Variants in NETO1 observed in about 807,000 individuals in gnomAD.
NETO1 encodes the protein neuropilin and tolloid-like protein 1.
In NETO1, 26 loss-of-function variants were observed where a neutral mutation model predicts 61.3. The observed-to-expected ratio is 0.42, with a 90% CI of 0.31 to 0.59. The LOEUF (loss-of-function observed/expected upper bound fraction) is 0.59. NETO1 is among the 20% of genes least tolerant of loss of function. The probability of loss-of-function intolerance (pLI) is 0.12; values close to 1 mark genes in which losing one functional copy is unlikely to be tolerated. For synonymous variants in NETO1, 225 were observed against 225.8 expected, an observed-to-expected ratio of 1.00 and a Z score of 0.03; for missense variants, 531 against 662.8, an observed-to-expected ratio of 0.80 and a Z score of 2.18.
intron 4 of NETO1, among the ~76,000 whole-genome samples, chr18:72,856,743 C>T (rs1164433866): frequency 6.6e-6 from 1 of 152,110 alleles, no homozygotes; most frequent in Non-Finnish European, 1.5e-5. Context: ...AACTGGTAGG[C>T]GGAATTTCAT....
At position 72,769,745 on chromosome 18, in the gene NETO1, C is replaced by T. The variant is rs563038271; in HGVS notation, c.869-13598G>A. 1.8e-4 allele frequency among the ~76,000 whole-genome samples: 28 copies of T among 152,108 alleles called. No individual in the cohort carries two copies. In the East Asian group the frequency reaches 3.5e-3, roughly 19 times the overall value. ...TACAAGAGTATAAATGTAATGTACA[C>T]GTGTTCGCTACTTGCTTCTAACCTC... is the stretch of plus-strand genomic sequence containing the variant. On this transcript the variant is annotated intron_variant, in intron 7 of 10. Coordinates refer to ENST00000327305, the MANE Select transcript of NETO1 (RefSeq NM_138966.5).
intron 4 of NETO1, 108 bp downstream of exon 4, chr18:72,858,718 C>T: frequency 5.3e-6 from 6 of 1,125,928 alleles, no homozygotes; most frequent in Non-Finnish European, 2.5e-6. Context: ...TTAAATAGAA[C>T]TGGAACATTC....
At chr18:72,766,945 A>G (rs1002904723) in intron 7 of NETO1, among the ~76,000 whole-genome samples, 2 of 152,190 alleles carry the variant, frequency 1.3e-5, no homozygotes, top group African/African-American at 4.8e-5. Flanking sequence ...TAGACATTAC[A>G]ATTACAATAA....
intron 7 of NETO1, among the ~76,000 whole-genome samples, chr18:72,778,938 G>A (rs567214813): frequency 3.9e-5 from 6 of 152,206 alleles, no homozygotes; most frequent in Non-Finnish European, 5.9e-5. Flanking sequence ...GTCCACTTGG[G>A]CTGCTAGAAC....
chr18:72,851,642 G>T (rs1269235244), intron 4 of NETO1, among the ~76,000 whole-genome samples: 1 of 152,138 alleles, frequency 6.6e-6, no homozygotes, highest in Non-Finnish European at 1.5e-5. Context: ...TACAATTGAG[G>T]TAGAAGGAGA....
chr18:72,853,869 A>G (rs1306555852), intron 4 of NETO1, among the ~76,000 whole-genome samples: 1 of 152,030 alleles, frequency 6.6e-6, no homozygotes, highest in Non-Finnish European at 1.5e-5. Flanking sequence ...TAATACGAAG[A>G]TTTTTTTCTT....
chr18:72,827,264 A>G (rs1221710300), intron 4 of NETO1, among the ~76,000 whole-genome samples: 2 of 152,108 alleles, frequency 1.3e-5, no homozygotes, highest in East Asian at 1.9e-4. Flanking sequence ...ACTTTATGCA[A>G]CGTGAGTGAC....
At chr18:72,772,817 CTCTCTCTCTATA>C (rs1393430547) in intron 7 of NETO1, among the ~76,000 whole-genome samples, 4 of 54,316 alleles carry the variant, frequency 7.4e-5, no homozygotes, top group Non-Finnish European at 1.4e-4. Context: ...CTCTCTCTCT[CTCTCTCTCTATA>C]TATATATATA....
intron 4 of NETO1, among the ~76,000 whole-genome samples, chr18:72,799,517 CG>C (rs2072433806): frequency 1.3e-5 from 2 of 152,174 alleles, no homozygotes; most frequent in African/African-American, 2.4e-5. Context: ...CATGACTGGA[CG>C]GCTTTCTTGT....
At chr18:72,786,083 A>T (rs991640492) in intron 6 of NETO1, among the ~76,000 whole-genome samples, 1 of 151,738 alleles carries the variant, frequency 6.6e-6, no homozygotes, top group African/African-American at 2.4e-5. Flanking sequence ...ATGTTTGTGA[A>T]TGATTAACTG....
At chr18:72,784,533 C>T (rs1324462969) in intron 6 of NETO1, among the ~76,000 whole-genome samples, 1 of 152,072 alleles carries the variant, frequency 6.6e-6, no homozygotes, top group South Asian at 2.1e-4. Flanking sequence ...ATGTACTGTG[C>T]AACTTGCTTT....
chr18:72,859,358 T>C (rs537414823), intron 3 of NETO1, among the ~76,000 whole-genome samples: 2 of 152,354 alleles, frequency 1.3e-5, no homozygotes, highest in African/African-American at 2.4e-5. Context: ...AGTATTTTTA[T>C]GAAAGGCTGT....
At chr18:72,772,793 T>TATC (rs1391807702) in intron 7 of NETO1, among the ~76,000 whole-genome samples, 18 of 58,962 alleles carry the variant, frequency 3.1e-4, no homozygotes, top group African/African-American at 1.1e-3. Flanking sequence ...CTCTATATAG[T>TATC]TCTCTCTCTC....
chr18:72,865,656 A>G, intron 1 of NETO1: 1 of 1,576,544 alleles, frequency 6.3e-7, no homozygotes, highest in Non-Finnish European at 8.6e-7. Flanking sequence ...GCAAACAATG[A>G]GAACAGCTCC....
chr18:72,867,013 C>G (rs900544783), intron 1 of NETO1: 1 of 457,548 alleles, frequency 2.2e-6, no homozygotes, highest in African/African-American at 2.0e-5. Context: ...CCTCCACCCC[C>G]GGGGGGTTCC....
At chr18:72,851,227 C>A (rs1000242588) in intron 4 of NETO1, among the ~76,000 whole-genome samples, 1 of 152,044 alleles carries the variant, frequency 6.6e-6, no homozygotes, top group South Asian at 2.1e-4. Context: ...GCCTGATCAA[C>A]GTGGAGAAAC....
At chr18:72,851,133 C>T (rs796423314) in intron 4 of NETO1, among the ~76,000 whole-genome samples, 3 of 151,728 alleles carry the variant, frequency 2.0e-5, no homozygotes, top group African/African-American at 4.8e-5. Context: ...GGAGATCGGC[C>T]GGGCATGGTG....
chr18:72,830,067 TGA>T lies in NETO1; in HGVS notation c.469+28757_469+28758del, dbSNP rs1430443096. Among the ~76,000 whole-genome samples the T allele has an allele frequency of 3.3e-5, 5 of 152,118 alleles. No individual in the cohort carries two copies. The highest frequency in any genetic ancestry group is 1.2e-4 in the African/African-American group (5 of 41,450). On this transcript the variant is annotated intron_variant, in intron 4 of 10. Coordinates refer to ENST00000327305, the MANE Select transcript of NETO1 (RefSeq NM_138966.5). This position sits in a 1 kb window ranked among gnomAD's most constrained non-coding sequence, Gnocchi z 4.9. Reference sequence around the variant, plus strand: ...TGGGGTGGATCATAGTGTGTGTCTGTGAGATTGCCTCAATTCAGGCCCACATC... The same window carrying T: ...TGGGGTGGATCATAGTGTGTGTCTGTGATTGCCTCAATTCAGGCCCACATC...
chr18:72,846,485 A>G (rs1038346268), intron 4 of NETO1, among the ~76,000 whole-genome samples: 3 of 125,022 alleles, frequency 2.4e-5, no homozygotes, highest in South Asian at 3.0e-4. Flanking sequence ...AGCCTGGGCA[A>G]TGGAGTGAGA....
Sources: gnomAD v4.1 joint callset for allele counts (sites outside exome capture counted in the v4.1 genomes callset) on GRCh38, gnomAD v4.1.1 for gene constraint, Gnocchi (gnomAD v3.1) non-coding constraint, MANE v1.5 for transcripts, NCBI Gene and HGNC (gene_info 2026-07-23, HGNC 2026-07-21) for gene names.